PIAS1: variants seen among roughly 807,000 people sequenced by gnomAD.
PIAS1 encodes E3 SUMO-protein ligase PIAS1.
Under a neutral mutation model 71.3 loss-of-function variants are expected in PIAS1, and 6 were observed. That is an observed-to-expected ratio of 0.08 (90% CI 0.05 to 0.17). PIAS1 has a LOEUF of 0.17. Ranked by LOEUF, PIAS1 falls within the 10% of genes least tolerant of loss-of-function variation. The pLI is 1.00. For synonymous variants in PIAS1, 303 were observed against 292.9 expected (o/e 1.03, Z -0.35); for missense variants, 555 against 793.6 (o/e 0.70, Z 3.61).
At chr15:68,117,242 C>T (rs1463898389) in intron 2 of PIAS1, among the ~76,000 whole-genome samples, 1 of 152,058 alleles carries the variant, frequency 6.6e-6, no homozygotes, top group Non-Finnish European at 1.5e-5. Flanking sequence ...TGTGCGCCAC[C>T]ACACCTGGCT....
intron 2 of PIAS1, among the ~76,000 whole-genome samples, chr15:68,112,856 C>CGG (rs2141011495): frequency 6.6e-6 from 1 of 152,270 alleles, no homozygotes; most frequent in African/African-American, 2.4e-5. Context: ...GAGTATGTCT[C>CGG]GGAAATAACA....
chr15:68,082,440 T>A (rs955329749), intron 1 of PIAS1, among the ~76,000 whole-genome samples: 5 of 152,120 alleles, frequency 3.3e-5, no homozygotes, highest in Admixed American at 1.3e-4. Context: ...TGTATTTGAA[T>A]ATATTGAGAA....
rs750160251 is a variant in PIAS1 at position 68,146,615 on chromosome 15, G to A, written c.743G>A (p.Arg248Gln). 2 of 1,613,084 alleles carry A rather than the reference G, an allele frequency of 1.2e-6. No individual in the cohort carries two copies. Among genetic ancestry groups the A allele is most frequent in the East Asian group, 2.2e-5 (1 of 44,852 alleles). ...KNGVEPKRPS[R>Q]PINITSLVRL... is the part of the protein sequence containing the mutation. ...GGCGTGGAACCAAAGCGACCCAGCC[G>A]ACCAATTAATATCACCTCACTTGTC... Residue 248 changes from arginine (R) to glutamine (Q), a missense_variant, in exon 6 of 14, where the codon CGA (arginine) becomes CAA (glutamine). Transcript: ENST00000249636.
rs1325465538 is a variant in PIAS1, at chr15:68,188,850, C to T, written c.*1015C>T. On this transcript the variant is annotated 3_prime_UTR_variant, in exon 14 of 14. Transcript: ENST00000249636. The stretch of plus-strand genomic sequence containing the variant: ...GGAAGTAAAAATAGCTTAGAAAGCT[C>T]TGTCAGGTGTTTTGTGCAGCTGACA... 1.3e-5 allele frequency: 2 copies of T among 152,176 alleles called. No individual in the cohort carries two copies. The highest frequency in any genetic ancestry group is 2.9e-5 in the Non-Finnish European group (2 of 68,028). 9.4% of individuals were successfully genotyped at this position (152,176 alleles called of 1,614,324 possible).
chr15:68,126,367 G>A lies in PIAS1; in HGVS notation c.470-15579G>A, dbSNP rs996269097. On this transcript the variant is annotated intron_variant, in intron 2 of 13. Transcript: ENST00000249636. ...CTATTGAGCTTTTCCTTTGTGCATC[G>A]TATTTTTACCCTCCAAGAACTTTGT... 3.9e-5 allele frequency among the ~76,000 whole-genome samples: 6 copies of A among 151,976 alleles called. No homozygotes were observed. The South Asian group carries it at 6.2e-4, about 16-fold the overall frequency.
At chr15:68,066,550 T>C (rs2092029513) in intron 1 of PIAS1, among the ~76,000 whole-genome samples, 1 of 152,232 alleles carries the variant, frequency 6.6e-6, no homozygotes, top group Middle Eastern at 3.2e-3. Flanking sequence ...CTACCTATTT[T>C]GTTTTTTTCC....
Position 68,173,735 on chromosome 15 carries a change from G to A in PIAS1, c.1012G>A (p.Gly338Ser). The A allele has an allele frequency of 6.6e-7, 1 of 1,521,378 alleles. No homozygotes were observed. Among genetic ancestry groups the A allele is most frequent in the Non-Finnish European group, 8.9e-7 (1 of 1,124,476 alleles). The allele number at this position is 1,521,378 out of a possible 1,614,324, so 94.2% of individuals were successfully genotyped here. Residue 338 changes from glycine to serine, a missense_variant, in exon 9 of 14, where the codon GGT (glycine) becomes AGT (serine). Physicochemically the swap from Gly to Ser is moderately conservative, Grantham distance 56. Around this residue, in one of 5 missense-constraint regions of PIAS1, gnomAD observed 49 missense variants for 129.2 expected, o/e 0.38. Coordinates refer to ENST00000249636, the MANE Select transcript of PIAS1 (RefSeq NM_016166.3). This position sits in a 1 kb window ranked among gnomAD's most constrained non-coding sequence, Gnocchi z 4.3. Reference sequence around the variant, plus strand: ...TACTTTTTCTCCCTTTTTAAAGCTTGGTAAAATGCGGCTGACAATTCCGTG... The same window carrying A: ...TACTTTTTCTCCCTTTTTAAAGCTTAGTAAAATGCGGCTGACAATTCCGTG... ...SLRVSLLCPL[G>S]KMRLTIPCRA...
chr15:68,154,402 G>A (rs766341978), intron 7 of PIAS1, among the ~76,000 whole-genome samples: 3 of 152,164 alleles, frequency 2.0e-5, no homozygotes, highest in Non-Finnish European at 4.4e-5. Flanking sequence ...CGGGGGCTGC[G>A]TGGATTTAGG....
chr15:68,072,502 T>C (rs2092109810), intron 1 of PIAS1, among the ~76,000 whole-genome samples: 1 of 150,848 alleles, frequency 6.6e-6, no homozygotes, highest in South Asian at 2.1e-4. Flanking sequence ...TCTGAAACTA[T>C]GTTGAATGCT....
chr15:68,151,683 AACACAC>A (rs754171390), intron 6 of PIAS1, among the ~76,000 whole-genome samples: 1 of 134,762 alleles, frequency 7.4e-6, no homozygotes, highest in African/African-American at 2.8e-5. Flanking sequence ...AAAAAAACAA[AACACAC>A]ACACACACAC....
intron 7 of PIAS1, among the ~76,000 whole-genome samples, chr15:68,163,845 A>C (rs951459128): frequency 1.9e-4 from 29 of 152,194 alleles, no homozygotes; most frequent in Non-Finnish European, 3.8e-4. Flanking sequence ...TAAAGTTATT[A>C]TGGGACAGTT....
At chr15:68,151,729 G>A (rs1380913885) in intron 6 of PIAS1, among the ~76,000 whole-genome samples, 4 of 117,724 alleles carry the variant, frequency 3.4e-5, no homozygotes, top group Non-Finnish European at 3.7e-5. Context: ...ATATGGTGGT[G>A]CACACTTGTA....
At chr15:68,117,909 A>AT (rs2141016607) in intron 2 of PIAS1, among the ~76,000 whole-genome samples, 1 of 152,230 alleles carries the variant, frequency 6.6e-6, no homozygotes, top group South Asian at 2.1e-4. Context: ...TCTATTTTTA[A>AT]TTTTTTGAGA....
At chr15:68,078,718 C>T (rs1233716254) in intron 1 of PIAS1, among the ~76,000 whole-genome samples, 1 of 152,082 alleles carries the variant, frequency 6.6e-6, no homozygotes, top group Non-Finnish European at 1.5e-5. Context: ...CTTATCTATA[C>T]AGTGAGAATA....
At chr15:68,147,800 A>T (rs2141054790) in intron 6 of PIAS1, among the ~76,000 whole-genome samples, 1 of 152,332 alleles carries the variant, frequency 6.6e-6, no homozygotes, top group Middle Eastern at 3.4e-3. Flanking sequence ...AACACTGTTA[A>T]CTAAATAAAT....
intron 1 of PIAS1, among the ~76,000 whole-genome samples, chr15:68,083,607 A>G (rs1011407406): frequency 3.3e-5 from 5 of 152,130 alleles, no homozygotes; most frequent in African/African-American, 1.2e-4. Context: ...GTTTCCTCTT[A>G]ATGTCAACAT....
intron 2 of PIAS1, among the ~76,000 whole-genome samples, chr15:68,096,743 A>G (rs2092379111): frequency 6.6e-6 from 1 of 151,962 alleles, no homozygotes; most frequent in South Asian, 2.1e-4. Flanking sequence ...AACAGGACTC[A>G]TTTTTTGTGT....
chr15:68,146,448 T>C, intron 5 of PIAS1, 118 bp from the exon 6 acceptor site: 1 of 714,072 alleles, frequency 1.4e-6, no homozygotes, highest in Non-Finnish European at 2.3e-6. Flanking sequence ...TTCTCTACTT[T>C]TTAATGAAAA....
chr15:68,084,190 GGTTT>G (rs1243639875), intron 1 of PIAS1, among the ~76,000 whole-genome samples: 1 of 152,016 alleles, frequency 6.6e-6, no homozygotes, highest in Non-Finnish European at 1.5e-5. Context: ...GAATTTTGCT[GGTTT>G]GTTTTTGATT....
Sources: allele counts gnomAD v4.1 joint callset (sites outside exome capture counted in the v4.1 genomes callset), GRCh38; gene constraint gnomAD v4.1.1; regional missense constraint gnomAD v4.1.1; non-coding constraint Gnocchi (gnomAD v3.1); transcripts MANE v1.5; gene names NCBI Gene and HGNC (gene_info 2026-07-23, HGNC 2026-07-21).